Variants in AGBL4 observed in about 807,000 individuals in gnomAD.
AGBL4 encodes AGBL carboxypeptidase 4.
In AGBL4, 58 loss-of-function variants were observed where a neutral mutation model predicts 66.4. That is an observed-to-expected ratio of 0.87 (90% CI 0.71 to 1.09). The LOEUF is 1.09. Among genes scored for constraint, AGBL4 ranks in the 50% least tolerant of loss-of-function variants. The pLI is 0.00. For missense variants in AGBL4, 579 were observed against 631.0 expected, an observed-to-expected ratio of 0.92 and a Z score of 0.88; for synonymous variants, 234 against 222.9, an observed-to-expected ratio of 1.05 and a Z score of -0.44.
At position 48,958,040 on chromosome 1, in the gene AGBL4, A is replaced by G. The variant is rs1334954835; in HGVS notation, c.594+87544T>C. 2.0e-5 allele frequency among the ~76,000 whole-genome samples: 3 copies of G among 146,602 alleles called. No individual in the cohort carries two copies. In the East Asian group the frequency reaches 6.0e-4, roughly 30 times the overall value. On this transcript the variant is annotated intron_variant, in intron 5 of 13. Coordinates refer to ENST00000371839, the MANE Select transcript of AGBL4 (RefSeq NM_032785.4). ...GTTTTTTGTTTTTTGTATTTTTTTT[A>G]GTAGAGATGGGGTTTCACCGCGTTA...
intron 5 of AGBL4, among the ~76,000 whole-genome samples, chr1:48,938,769 A>C (rs1475444411): frequency 6.6e-6 from 1 of 152,184 alleles, no homozygotes; most frequent in Non-Finnish European, 1.5e-5. Flanking sequence ...CAAGTATCAC[A>C]TTTCAAAGAA....
intron 1 of AGBL4, among the ~76,000 whole-genome samples, chr1:49,990,171 TA>T (rs1659826723): frequency 6.6e-6 from 1 of 152,226 alleles, no homozygotes. Flanking sequence ...ATAATGACAC[TA>T]AGTACCAACA....
At chr1:48,919,516 C>G (rs1653902721) in intron 5 of AGBL4, among the ~76,000 whole-genome samples, 1 of 152,186 alleles carries the variant, frequency 6.6e-6, no homozygotes, top group Non-Finnish European at 1.5e-5. Context: ...ACCAGCAACA[C>G]ATCATTCAAG....
chr1:49,489,827 A>G (rs1300540037), intron 3 of AGBL4, among the ~76,000 whole-genome samples: 1 of 151,660 alleles, frequency 6.6e-6, no homozygotes, highest in Non-Finnish European at 1.5e-5. Flanking sequence ...AAATGTGTTC[A>G]CTATAGATGT....
intron 3 of AGBL4, among the ~76,000 whole-genome samples, chr1:49,398,621 TC>T (rs540379873): frequency 2.6e-5 from 4 of 152,126 alleles, no homozygotes; most frequent in Non-Finnish European, 5.9e-5. Context: ...ACCAACACAT[TC>T]CCTTTATCAG....
chr1:48,619,668 AAAG>A (rs1474401110), intron 9 of AGBL4, among the ~76,000 whole-genome samples: 1 of 152,186 alleles, frequency 6.6e-6, no homozygotes, highest in African/African-American at 2.4e-5. Flanking sequence ...CTCTAAGAGG[AAAG>A]AAGTTTTCCT....
At chr1:48,896,010 T>C (rs1363125606) in intron 5 of AGBL4, among the ~76,000 whole-genome samples, 1 of 152,240 alleles carries the variant, frequency 6.6e-6, no homozygotes, top group African/African-American at 2.4e-5. Flanking sequence ...TATTTGCAGG[T>C]TGCCATTCAA....
intron 1 of AGBL4, among the ~76,000 whole-genome samples, chr1:49,897,050 C>G (rs987883467): frequency 1.3e-5 from 2 of 151,994 alleles, no homozygotes; most frequent in African/African-American, 4.8e-5. Flanking sequence ...AGATCTGGAA[C>G]AAGACAAGGA....
At chr1:49,829,035 G>A (rs975003268) in intron 2 of AGBL4, among the ~76,000 whole-genome samples, 3 of 151,120 alleles carry the variant, frequency 2.0e-5, no homozygotes, top group Non-Finnish European at 4.4e-5. Flanking sequence ...CGCCACTGCA[G>A]TCCAGCCTGG....
At chr1:48,671,610 C>T (rs1312391871) in intron 6 of AGBL4, among the ~76,000 whole-genome samples, 1 of 152,152 alleles carries the variant, frequency 6.6e-6, no homozygotes, top group East Asian at 1.9e-4. Context: ...TTAAATGAGA[C>T]AATGCTTCAG....
At chr1:49,928,924 A>G (rs1402192328) in intron 1 of AGBL4, among the ~76,000 whole-genome samples, 1 of 152,320 alleles carries the variant, frequency 6.6e-6, no homozygotes, top group African/African-American at 2.4e-5. Context: ...CCAGCTGACC[A>G]TCAATTATGG....
chr1:49,564,870 T>C (rs1172243264), intron 3 of AGBL4, among the ~76,000 whole-genome samples: 1 of 152,204 alleles, frequency 6.6e-6, no homozygotes, highest in Non-Finnish European at 1.5e-5. Flanking sequence ...CTTCTTAACT[T>C]TCTGTCTTGT....
intron 2 of AGBL4, among the ~76,000 whole-genome samples, chr1:49,800,005 A>G (rs1303371028): frequency 6.6e-6 from 1 of 152,184 alleles, no homozygotes. Context: ...TCCCTTAACT[A>G]TAAGTAACAT....
chr1:49,061,135 G>A (rs1483797728), intron 4 of AGBL4, among the ~76,000 whole-genome samples: 1 of 152,138 alleles, frequency 6.6e-6, no homozygotes, highest in Non-Finnish European at 1.5e-5. Context: ...TCTCCTGGGG[G>A]CGAAAGTACA....
In AGBL4 at chr1:49,572,451, T is replaced by C. The variant is rs187639093; in HGVS notation, c.282+124862A>G. 1.6e-3 allele frequency among the ~76,000 whole-genome samples: 240 copies of C among 152,332 alleles called. 1 individual carries two copies. The highest frequency in any genetic ancestry group is 4.9e-3 in the African/African-American group (205 of 41,580). ...TATTTTATTTATTTAGGTATTCCTC[T>C]TCTTGTGTATTCTAGCCTGCAGTTT... On this transcript the variant is annotated intron_variant, in intron 3 of 13. Transcript: ENST00000371839.
chr1:48,996,773 A>G (rs1435167243), intron 5 of AGBL4, among the ~76,000 whole-genome samples: 1 of 151,606 alleles, frequency 6.6e-6, no homozygotes, highest in Admixed American at 6.6e-5. Flanking sequence ...GAAATGATTT[A>G]TAGCCAGAGG....
intron 5 of AGBL4, among the ~76,000 whole-genome samples, chr1:48,905,513 T>C (rs549718235): frequency 9.2e-5 from 14 of 152,370 alleles, no homozygotes; most frequent in Middle Eastern, 3.4e-3. Flanking sequence ...AGAAGGTTTC[T>C]GAAATTAAGA....
chr1:48,990,848 C>T (rs896302946), intron 5 of AGBL4, among the ~76,000 whole-genome samples: 2 of 152,092 alleles, frequency 1.3e-5, no homozygotes, highest in African/African-American at 4.8e-5. Flanking sequence ...AACACACAAG[C>T]AAAGGGACAA....
At chr1:49,809,118 A>T (rs939820182) in intron 2 of AGBL4, among the ~76,000 whole-genome samples, 1 of 152,188 alleles carries the variant, frequency 6.6e-6, no homozygotes, top group South Asian at 2.1e-4. Flanking sequence ...TCGGTTTTCA[A>T]CTACACAGGA....
Sources: gnomAD v4.1 joint callset for allele counts (sites outside exome capture counted in the v4.1 genomes callset) on GRCh38, gnomAD v4.1.1 for gene constraint, MANE v1.5 for transcripts, NCBI Gene and HGNC (gene_info 2026-07-23, HGNC 2026-07-21) for gene names.